The following ASIC2 variants were observed in gnomAD, a reference collection of about 807,000 sequenced individuals.
ASIC2 encodes acid-sensing ion channel 2.
In ASIC2, 25 loss-of-function variants were observed where a neutral mutation model predicts 57.3. The ratio of observed to expected loss-of-function variants is 0.44; its 90% CI spans 0.32 to 0.61. ASIC2 has a LOEUF of 0.61. Ranked by LOEUF, ASIC2 falls within the 20% of genes least tolerant of loss-of-function variation. The pLI is 0.06. For synonymous variants in ASIC2, 319 were observed against 307.5 expected (o/e 1.04, Z -0.39); for missense variants, 641 against 738.1 (o/e 0.87, Z 1.52).
intron 1 of ASIC2, among the ~76,000 whole-genome samples, chr17:33,143,004 A>C (rs1450009658): frequency 6.6e-6 from 1 of 152,190 alleles, no homozygotes; most frequent in Non-Finnish European, 1.5e-5. Context: ...CAAAAAGCTC[A>C]ATAAGGGCTT....
chr17:34,132,229 T>C (rs1441264572), intron 1 of ASIC2, among the ~76,000 whole-genome samples: 1 of 152,198 alleles, frequency 6.6e-6, no homozygotes, highest in Non-Finnish European at 1.5e-5. Context: ...AAGTTCGTGG[T>C]GTCGCTGACT....
intron 1 of ASIC2, among the ~76,000 whole-genome samples, chr17:33,986,220 G>T (rs1905812886): frequency 6.7e-6 from 1 of 149,118 alleles, no homozygotes; most frequent in Non-Finnish European, 1.5e-5. Context: ...TTTTTTCCTT[G>T]CAGTATTATG....
At chr17:33,684,987 A>T (rs965117145) in intron 1 of ASIC2, among the ~76,000 whole-genome samples, 1 of 152,178 alleles carries the variant, frequency 6.6e-6, no homozygotes, top group Admixed American at 6.5e-5. Flanking sequence ...TCGAAGCAGA[A>T]ATAGCAGCCC....
chr17:33,548,645 G>C (rs1247296270), intron 1 of ASIC2, among the ~76,000 whole-genome samples: 4 of 152,072 alleles, frequency 2.6e-5, no homozygotes, highest in Admixed American at 2.6e-4. Context: ...ACAGTTCACG[G>C]CTGCCCTTAC....
At chr17:33,815,177 C>T (rs1414847) in intron 1 of ASIC2, among the ~76,000 whole-genome samples, 1 of 151,966 alleles carries the variant, frequency 6.6e-6, no homozygotes, top group African/African-American at 2.4e-5. Flanking sequence ...CTTTAAATTT[C>T]TCAGTTTCCC....
At chr17:33,736,623 G>A (rs1317625740) in intron 1 of ASIC2, among the ~76,000 whole-genome samples, 2 of 152,008 alleles carry the variant, frequency 1.3e-5, no homozygotes, top group Non-Finnish European at 2.9e-5. Context: ...AATTACAAAA[G>A]CAATATAAGC....
chr17:33,228,515 G>A (rs997468564), intron 1 of ASIC2, among the ~76,000 whole-genome samples: 5 of 152,194 alleles, frequency 3.3e-5, no homozygotes, highest in Admixed American at 1.3e-4. Context: ...GTGTGAGTGC[G>A]TGACATCCAT....
intron 1 of ASIC2, among the ~76,000 whole-genome samples, chr17:33,228,897 C>T (rs547733637): frequency 6.6e-6 from 1 of 152,358 alleles, no homozygotes; most frequent in Admixed American, 6.5e-5. Context: ...CCCTGTCCTC[C>T]AGGAGCTGGA....
chr17:33,123,986 G>A (rs1342781711), intron 1 of ASIC2, among the ~76,000 whole-genome samples: 2 of 152,204 alleles, frequency 1.3e-5, no homozygotes, highest in Non-Finnish European at 1.5e-5. Context: ...AGTTTATGAT[G>A]TTTACAGAAG....
At chr17:33,861,748 G>C (rs1914107061) in intron 1 of ASIC2, among the ~76,000 whole-genome samples, 1 of 152,190 alleles carries the variant, frequency 6.6e-6, no homozygotes, top group Admixed American at 6.5e-5. Flanking sequence ...TACTGCTTAA[G>C]TGTATAGGAA....
At chr17:33,274,493 G>C (rs1004610824) in intron 1 of ASIC2, among the ~76,000 whole-genome samples, 1 of 152,136 alleles carries the variant, frequency 6.6e-6, no homozygotes, top group Non-Finnish European at 1.5e-5. Context: ...ACAAATAATT[G>C]ATAGCAAAAA....
At chr17:33,084,426 CAG>C (rs897134397) in intron 3 of ASIC2, among the ~76,000 whole-genome samples, 7 of 152,214 alleles carry the variant, frequency 4.6e-5, no homozygotes, top group African/African-American at 1.7e-4. Flanking sequence ...GCGCTCTCTC[CAG>C]AGAGTCTTCC....
chr17:33,864,787 C>T (rs1330283324), intron 1 of ASIC2, among the ~76,000 whole-genome samples: 1 of 152,004 alleles, frequency 6.6e-6, no homozygotes, highest in East Asian at 1.9e-4. Context: ...ATAGTCATGG[C>T]CTACAAAACA....
chr17:33,769,536 A>T (rs1911034619), intron 1 of ASIC2, among the ~76,000 whole-genome samples: 1 of 152,250 alleles, frequency 6.6e-6, no homozygotes, highest in Admixed American at 6.5e-5. Flanking sequence ...GGTAAATGAC[A>T]GTAGTTGTTC....
chr17:33,169,862 TCTC>T (rs1275688580), intron 1 of ASIC2, among the ~76,000 whole-genome samples: 2 of 152,150 alleles, frequency 1.3e-5, no homozygotes, highest in Non-Finnish European at 2.9e-5. Context: ...TAGCTCCAAT[TCTC>T]CTCCAGATTC....
chr17:33,503,130 G>T (rs533415959), intron 1 of ASIC2, among the ~76,000 whole-genome samples: 1 of 152,112 alleles, frequency 6.6e-6, no homozygotes. Flanking sequence ...GACAATGGGC[G>T]TGGAAGTGAT....
intron 1 of ASIC2, among the ~76,000 whole-genome samples, chr17:33,221,240 A>G (rs1385088792): frequency 1.3e-5 from 2 of 152,152 alleles, no homozygotes; most frequent in Admixed American, 1.3e-4. Flanking sequence ...TCTGTTTCCT[A>G]CATCTGAGGA....
chr17:33,856,195 C>T (rs1177723908), intron 1 of ASIC2, among the ~76,000 whole-genome samples: 1 of 152,128 alleles, frequency 6.6e-6, no homozygotes, highest in Non-Finnish European at 1.5e-5. Context: ...TGGCTTGGAG[C>T]AAGTTAATTA....
intron 1 of ASIC2, among the ~76,000 whole-genome samples, chr17:33,266,226 A>G (rs922509191): frequency 6.6e-6 from 1 of 152,120 alleles, no homozygotes; most frequent in Non-Finnish European, 1.5e-5. Context: ...TACAACACAC[A>G]TGTGTTTTTA....
Sources: gnomAD v4.1 joint callset for allele counts (sites outside exome capture counted in the v4.1 genomes callset) on GRCh38, gnomAD v4.1.1 for gene constraint, MANE v1.5 for transcripts, NCBI Gene and HGNC (gene_info 2026-07-23, HGNC 2026-07-21) for gene names.